Variants in MYPN observed in about 807,000 individuals in gnomAD.
MYPN encodes the protein sarcomeric protein myopalladin, 145 kDa (MYOP).
Under a neutral mutation model 129.4 loss-of-function variants are expected in MYPN, and 63 were observed. The observed-to-expected ratio is 0.49, with a 90% CI of 0.40 to 0.60. The LOEUF is 0.60. Among genes scored for constraint, MYPN ranks in the 20% least tolerant of loss-of-function variants. The probability of loss-of-function intolerance (pLI) is 0.00; values close to 1 mark genes in which losing one functional copy is unlikely to be tolerated. For missense variants in MYPN, 1,596 were observed against 1,635.4 expected (o/e 0.98, Z 0.42); for synonymous variants, 629 against 600.9 (o/e 1.05, Z -0.68).
At chr10:68,154,456 C>T (rs528044380) in intron 6 of MYPN, among the ~76,000 whole-genome samples, 2 of 152,286 alleles carry the variant, frequency 1.3e-5, no homozygotes, top group African/African-American at 2.4e-5. Flanking sequence ...ATAACTGGGC[C>T]GGTAGTGGGA....
At chr10:68,169,955 G>A (rs1051701864) in intron 10 of MYPN, among the ~76,000 whole-genome samples, 1 of 152,098 alleles carries the variant, frequency 6.6e-6, no homozygotes, top group Non-Finnish European at 1.5e-5. Flanking sequence ...GGCAAGGCTG[G>A]TCTCAAATGC....
At chr10:68,161,687 G>A (rs372435999) in intron 7 of MYPN, 42 bp from the exon 8 acceptor site, 18 of 1,566,682 alleles carry the variant, frequency 1.1e-5, no homozygotes, top group Non-Finnish European at 1.6e-5. Context: ...TAGTTTCTCA[G>A]TAAAATAAAT....
Position 68,195,494 on chromosome 10 carries a change from C to A in MYPN, c.3120C>A (p.Pro1040=). ...GCCACTTGATGGTACAAAGTTTGCCCATTCGCAGTCGGCTAACCTCTGCTG... is the reference window on the plus strand; with the variant it reads ...GCCACTTGATGGTACAAAGTTTGCCAATTCGCAGTCGGCTAACCTCTGCTG... ...CSGHLMVQSL[P]IRSRLTSAGQ... Residue 1040 remains proline, a synonymous_variant, in exon 15 of 20, where the codon CCC becomes CCA. Transcript: ENST00000358913. 6.2e-7 allele frequency: 1 copy of A among 1,614,018 alleles called. No individual in the cohort carries two copies. The highest frequency in any genetic ancestry group is 8.5e-7 in the Non-Finnish European group (1 of 1,179,960).
intron 1 of MYPN, among the ~76,000 whole-genome samples, chr10:68,116,766 GAAAAC>G (rs2042163469): frequency 6.6e-6 from 1 of 151,986 alleles, no homozygotes; most frequent in African/African-American, 2.4e-5. Flanking sequence ...AAAGAAAAAA[GAAAAC>G]AAAGCATGAT....
At chr10:68,108,391 G>A (rs978632285), upstream of MYPN, among the ~76,000 whole-genome samples, 2 of 152,100 alleles carry the variant, frequency 1.3e-5, no homozygotes, top group Admixed American at 6.6e-5. Context: ...TAAATTCCAC[G>A]AGGTCAGAAA....
intron 6 of MYPN, among the ~76,000 whole-genome samples, chr10:68,154,511 T>G (rs2042834036): frequency 1.3e-5 from 2 of 152,314 alleles, no homozygotes; most frequent in South Asian, 4.1e-4. Flanking sequence ...ATTCAATCAA[T>G]TCTGGAGACT....
At chr10:68,165,414 TGC>T in intron 8 of MYPN, 1 of 480,664 alleles carries the variant, frequency 2.1e-6, no homozygotes, top group Non-Finnish European at 4.1e-6. Flanking sequence ...ATCTTGCCAC[TGC>T]GCTCCAGCCT....
intron 16 of MYPN, among the ~76,000 whole-genome samples, chr10:68,197,990 G>A (rs894878152): frequency 3.3e-5 from 5 of 152,128 alleles, no homozygotes; most frequent in South Asian, 2.1e-4. Context: ...TCATGTACTC[G>A]GAACGAAACA....
At chr10:68,206,591 C>T (rs748980498) in intron 18 of MYPN, among the ~76,000 whole-genome samples, 179 bp from the exon 19 acceptor site, 1 of 152,152 alleles carries the variant, frequency 6.6e-6, no homozygotes, top group East Asian at 1.9e-4. Flanking sequence ...TCAGCCCCAG[C>T]TGCCCCCTCC....
chr10:68,170,730 TA>T (rs2043131101), intron 10 of MYPN, among the ~76,000 whole-genome samples: 3 of 152,224 alleles, frequency 2.0e-5, no homozygotes, highest in Admixed American at 1.3e-4. Context: ...TCACCCTGGC[TA>T]CACTCTAGAA....
intron 17 of MYPN, among the ~76,000 whole-genome samples, chr10:68,200,716 C>A (rs1475775668): frequency 6.6e-6 from 1 of 151,970 alleles, no homozygotes; most frequent in African/African-American, 2.4e-5. Flanking sequence ...CAAGATTGCA[C>A]CACTGCACTC....
In MYPN at chr10:68,122,173, G is replaced by T; in HGVS notation, c.735G>T (p.Ala245=). The T allele has an allele frequency of 6.2e-7, 1 of 1,610,838 alleles. No individual in the cohort carries two copies. Among genetic ancestry groups the T allele is most frequent in the Non-Finnish European group, 8.5e-7 (1 of 1,178,112 alleles). Residue 245 remains alanine (A), a synonymous_variant, in exon 2 of 20, where the codon GCG becomes GCT. Transcript: ENST00000358913. Reference sequence around the variant, plus strand: ...AAGCGGAGCAGGCTGCCAGTGAGGCGGCTGGTGGAGACACTACACCAGGGT... The same window carrying T: ...AAGCGGAGCAGGCTGCCAGTGAGGCTGCTGGTGGAGACACTACACCAGGGT... ...RREAEQAASE[A]AGGDTTPGSS...
upstream of MYPN, among the ~76,000 whole-genome samples, chr10:68,101,610 AT>A (rs749783902): frequency 3.4e-4 from 51 of 150,644 alleles, no homozygotes; most frequent in African/African-American, 1.1e-3. Context: ...CATTTTTAAC[AT>A]TTTTTTTCAT....
rs1466664394 is a variant in MYPN, at chr10:68,176,897, T to C, written c.2703+1436T>C. 5.3e-5 allele frequency among the ~76,000 whole-genome samples: 8 copies of C among 152,356 alleles called. No homozygotes were observed. The East Asian group carries it at 9.6e-4, about 18-fold the overall frequency. ...ACAGAACAGTTACCTTCAAGCTCTA[T>C]ACATGTTGCTCTGTCTAATGCAGAT... On this transcript the variant is annotated intron_variant, in intron 12 of 19. Transcript: ENST00000358913.
chr10:68,186,037 A>C (rs1417677539), intron 12 of MYPN, among the ~76,000 whole-genome samples: 1 of 152,232 alleles, frequency 6.6e-6, no homozygotes, highest in Admixed American at 6.5e-5. Context: ...TGGAAGCTTT[A>C]ATTGTTAACT....
At chr10:68,173,072 C>CA (rs956600441) in intron 10 of MYPN, among the ~76,000 whole-genome samples, 10 of 151,066 alleles carry the variant, frequency 6.6e-5, no homozygotes, top group Non-Finnish European at 1.2e-4. Context: ...GACTCTGTCT[C>CA]AAAAAAAAGA....
intron 6 of MYPN, among the ~76,000 whole-genome samples, chr10:68,157,468 A>T (rs192387426): frequency 5.7e-4 from 87 of 152,176 alleles, no homozygotes; most frequent in African/African-American, 1.9e-3. Flanking sequence ...GAACACATCT[A>T]GTAGATACTC....
At chr10:68,135,470 A>G (rs1159074761) in intron 2 of MYPN, 8 of 983,254 alleles carry the variant, frequency 8.1e-6, no homozygotes, top group Non-Finnish European at 9.7e-6. Context: ...TGCACTCTGT[A>G]TATGAAGAAG....
At chr10:68,197,957 G>A (rs1054838705) in intron 16 of MYPN, among the ~76,000 whole-genome samples, 3 of 152,130 alleles carry the variant, frequency 2.0e-5, no homozygotes, top group Admixed American at 1.3e-4. Flanking sequence ...GGGTAGGATG[G>A]AGTAAGACGG....
Sources: allele counts gnomAD v4.1 joint callset (sites outside exome capture counted in the v4.1 genomes callset), GRCh38; gene constraint gnomAD v4.1.1; transcripts MANE v1.5; gene names NCBI Gene and HGNC (gene_info 2026-07-23, HGNC 2026-07-21).